The following FAM240A variants were observed in gnomAD, a reference collection of about 807,000 sequenced individuals.
FAM240A encodes protein FAM240A.
A neutral mutation model predicts 7.3 loss-of-function variants in FAM240A; 8 were observed. The observed-to-expected ratio is 1.09, with a 90% CI of 0.64 to 1.97. The LOEUF (loss-of-function observed/expected upper bound fraction) is 1.97, where lower values mean the gene tolerates loss of function less well. Ranked by LOEUF, FAM240A falls within the 30% of genes most tolerant of loss-of-function variation. FAM240A has a pLI of 0.00. For synonymous variants in FAM240A, 32 were observed against 35.9 expected, an observed-to-expected ratio of 0.89 and a Z score of 0.38; for missense variants, 90 against 102.2, an observed-to-expected ratio of 0.88 and a Z score of 0.52.
intron 2 of FAM240A, among the ~76,000 whole-genome samples, chr3:46,618,882 TACACACAC>T (rs748467427): frequency 4.5e-4 from 35 of 77,180 alleles, no homozygotes; most frequent in African/African-American, 1.2e-3. Context: ...TATATATATA[TACACACAC>T]ACACACACAC....
intron 2 of FAM240A, among the ~76,000 whole-genome samples, chr3:46,620,536 G>T (rs1300055574): frequency 4.0e-5 from 6 of 149,360 alleles, no homozygotes; most frequent in Non-Finnish European, 8.9e-5. Context: ...CAAACTTCTA[G>T]TGCTAGCCAC....
chr3:46,617,990 C>T (rs1308326974), intron 2 of FAM240A, among the ~76,000 whole-genome samples: 1 of 152,234 alleles, frequency 6.6e-6, no homozygotes, highest in Non-Finnish European at 1.5e-5. Flanking sequence ...TGCAGAAAGC[C>T]ATCATGGGCT....
chr3:46,622,213 C>A (rs147927312), intron 2 of FAM240A, among the ~76,000 whole-genome samples: 175 of 145,874 alleles, frequency 1.2e-3, no homozygotes, highest in African/African-American at 4.2e-3. Context: ...TCGCGCCATT[C>A]TCCTGCCTCA....
intron 1 of FAM240A, among the ~76,000 whole-genome samples, chr3:46,616,633 T>C (rs966142760): frequency 2.0e-5 from 3 of 151,752 alleles, no homozygotes; most frequent in Non-Finnish European, 4.4e-5. Context: ...TCCAGTTCCA[T>C]CCGAGTTGCT....
chr3:46,612,694 T>A lies in FAM240A; in HGVS notation c.11T>A (p.Phe4Tyr). The change falls in exon 1 of 3, where the codon TTC becomes TAC. Residue 4 changes from phenylalanine (F) to tyrosine (Y), a missense_variant. Phe to Tyr is a conservative substitution (Grantham distance 22). Coordinates refer to ENST00000640551, the MANE Select transcript of FAM240A (RefSeq NM_001195442.2). MRL[F>Y]SGMNNQYTRR... ...TCTTCACATCCCTTCATGCGGTTGT[T>A]CTCTGTAAGTGTTAATTAATTTGTT... 1.3e-6 allele frequency: 2 copies of A among 1,535,228 alleles called. No individual in the cohort carries two copies. The highest frequency in any genetic ancestry group is 1.7e-6 in the Non-Finnish European group (2 of 1,146,056).
At chr3:46,619,688 C>CATGCTG (rs1697673704) in intron 2 of FAM240A, among the ~76,000 whole-genome samples, 2 of 152,180 alleles carry the variant, frequency 1.3e-5, no homozygotes, top group African/African-American at 4.8e-5. Flanking sequence ...GATGTCTTGG[C>CATGCTG]ATGCTGGTTG....
intron 1 of FAM240A, among the ~76,000 whole-genome samples, chr3:46,613,768 AC>A (rs1697596308): frequency 6.6e-6 from 1 of 151,806 alleles, no homozygotes; most frequent in African/African-American, 2.4e-5. Context: ...AGGTCAGGGC[AC>A]CCTCCTTGTG....
intron 2 of FAM240A, among the ~76,000 whole-genome samples, chr3:46,622,867 A>G (rs981614642): frequency 3.3e-5 from 5 of 152,142 alleles, no homozygotes; most frequent in Non-Finnish European, 5.9e-5. Context: ...TTTCATATGA[A>G]TTTTGGAATC....
chr3:46,619,962 A>G (rs1260220187), intron 2 of FAM240A, among the ~76,000 whole-genome samples: 1 of 152,172 alleles, frequency 6.6e-6, no homozygotes, highest in Non-Finnish European at 1.5e-5. Flanking sequence ...AGTGCTCAAG[A>G]AAAGCATGCT....
intron 2 of FAM240A, 79 bp from the exon 3 acceptor site, chr3:46,625,049 G>A: frequency 9.7e-7 from 1 of 1,025,914 alleles, no homozygotes; most frequent in Non-Finnish European, 1.4e-6. Flanking sequence ...CAGGGGCTGG[G>A]AGGACAGGAA....
chr3:46,623,852 C>T (rs547777273), intron 2 of FAM240A, among the ~76,000 whole-genome samples: 2 of 152,180 alleles, frequency 1.3e-5, no homozygotes, highest in East Asian at 1.9e-4. Context: ...ATTTTTATTG[C>T]GTTGTTTACA....
At chr3:46,617,580 T>C (rs1697644925) in intron 2 of FAM240A, among the ~76,000 whole-genome samples, 1 of 152,200 alleles carries the variant, frequency 6.6e-6, no homozygotes, top group Non-Finnish European at 1.5e-5. Flanking sequence ...CCCAGAAGAA[T>C]GCCAGATGGG....
chr3:46,614,904 A>G (rs951539669), intron 1 of FAM240A, among the ~76,000 whole-genome samples: 1 of 152,212 alleles, frequency 6.6e-6, no homozygotes, highest in East Asian at 1.9e-4. Flanking sequence ...TGATGTCCCT[A>G]TGCCAGACTA....
intron 2 of FAM240A, among the ~76,000 whole-genome samples, chr3:46,621,091 T>TA (rs1261132324): frequency 6.6e-6 from 1 of 152,116 alleles, no homozygotes; most frequent in East Asian, 1.9e-4. Flanking sequence ...AAAGGTTTTC[T>TA]AAAAAACGTT....
intron 2 of FAM240A, among the ~76,000 whole-genome samples, chr3:46,620,157 C>T (rs1174812221): frequency 1.3e-5 from 2 of 151,746 alleles, no homozygotes; most frequent in African/African-American, 4.8e-5. Flanking sequence ...AATCGCCAGT[C>T]CTTCAGCTTC....
chr3:46,620,784 TAACGTTC>T (rs59911676), intron 2 of FAM240A, among the ~76,000 whole-genome samples: 7,518 of 152,280 alleles, frequency 0.049, 395 homozygotes, highest in East Asian at 0.32. Flanking sequence ...TCAACCAACC[TAACGTTC>T]AACATTAAAA....
At chr3:46,615,025 T>C (rs1251154106) in intron 1 of FAM240A, among the ~76,000 whole-genome samples, 1 of 152,084 alleles carries the variant, frequency 6.6e-6, no homozygotes, top group East Asian at 1.9e-4. Context: ...ACTCTTAGGG[T>C]CAAAATCGGT....
intron 2 of FAM240A, among the ~76,000 whole-genome samples, chr3:46,624,379 C>T (rs1007227495): frequency 6.8e-6 from 1 of 146,876 alleles, no homozygotes; most frequent in East Asian, 2.1e-4. Context: ...TCAAGCAATT[C>T]TCCTGCCTCA....
At chr3:46,622,669 G>A (rs1253082977) in intron 2 of FAM240A, among the ~76,000 whole-genome samples, 1 of 152,102 alleles carries the variant, frequency 6.6e-6, no homozygotes, top group Non-Finnish European at 1.5e-5. Flanking sequence ...TTGCACGTTT[G>A]TTGAAAATTA....
Sources: gnomAD v4.1 joint callset for allele counts (sites outside exome capture counted in the v4.1 genomes callset) on GRCh38, gnomAD v4.1.1 for gene constraint, MANE v1.5 for transcripts, NCBI Gene and HGNC (gene_info 2026-07-23, HGNC 2026-07-21) for gene names.